The following SYT16 variants were observed in gnomAD, a reference collection of about 807,000 sequenced individuals.
The protein encoded by SYT16 is synaptotagmin 16.
Under a neutral mutation model 61.4 loss-of-function variants are expected in SYT16, and 42 were observed. That is an observed-to-expected ratio of 0.68 (90% CI 0.53 to 0.89). SYT16 has a LOEUF of 0.89. Ranked by LOEUF, SYT16 falls within the 40% of genes least tolerant of loss-of-function variation. The pLI is 0.00. For synonymous variants in SYT16, 314 were observed against 302.3 expected (o/e 1.04, Z -0.40); for missense variants, 804 against 807.3 (o/e 1.00, Z 0.05).
Position 61,874,745 on chromosome 14 carries a change from ATTTTCAGAGCCAATGCAGCAAGATTT to A in SYT16, c.-325+61940_-325+61965del. 2.7e-5 allele frequency among the ~76,000 whole-genome samples: 4 copies of A among 150,328 alleles called. No homozygotes were observed. The Middle Eastern group carries it at 0.01, about 394-fold the overall frequency. On this transcript the variant is annotated intron_variant, in intron 1 of 7. Coordinates refer to ENST00000683842, the MANE Select transcript of SYT16 (RefSeq NM_001367656.1). ...ATAGGCTAGTTTTATAGAATTTAACATTTTCAGAGCCAATGCAGCAAGATTTTTTTTTTTTTTTTTTACATGTTCTA... is the reference window on the plus strand; with the variant it reads ...ATAGGCTAGTTTTATAGAATTTAACATTTTTTTTTTTTTTTACATGTTCTA...
At position 62,112,161 on chromosome 14, in the gene SYT16, T is replaced by C. The variant is rs2057620540; in HGVS notation, c.*11454T>C. ...CAAGACCAATCAGTGAAATATTGAATGTCAATACTTTTTGTTAGAAATGCC... is the reference window on the plus strand; with the variant it reads ...CAAGACCAATCAGTGAAATATTGAACGTCAATACTTTTTGTTAGAAATGCC... On this transcript the variant is annotated 3_prime_UTR_variant, in exon 8 of 8. Transcript: ENST00000683842. 1 of 152,154 alleles carries C rather than the reference T, an allele frequency of 6.6e-6. No homozygotes were observed. The highest frequency in any genetic ancestry group is 1.5e-5 in the Non-Finnish European group (1 of 67,972). The allele number at this position is 152,154 out of a possible 1,614,324, so 9.4% of individuals were successfully genotyped here. A position where few individuals can be genotyped will look rare whatever the true frequency, so the allele number is the denominator to read the frequency against.
At chr14:61,939,603 T>C (rs1389162590) in intron 1 of SYT16, among the ~76,000 whole-genome samples, 1 of 152,218 alleles carries the variant, frequency 6.6e-6, no homozygotes, top group Non-Finnish European at 1.5e-5. Flanking sequence ...TTTCCTCTTT[T>C]TATGAGGATG....
At chr14:61,982,867 G>A (rs756454913) in intron 2 of SYT16, among the ~76,000 whole-genome samples, 7 of 152,094 alleles carry the variant, frequency 4.6e-5, no homozygotes, top group East Asian at 1.9e-4. Context: ...TCTGGATGTC[G>A]TCTTCCAGAG....
intron 1 of SYT16, among the ~76,000 whole-genome samples, chr14:61,863,855 G>T (rs118165440): frequency 6.6e-6 from 1 of 152,254 alleles, no homozygotes; most frequent in East Asian, 1.9e-4. Context: ...TCCAGCACCA[G>T]TCGTGGAAAA....
intron 2 of SYT16, among the ~76,000 whole-genome samples, chr14:61,980,552 A>C (rs2140560411): frequency 6.6e-6 from 1 of 152,268 alleles, no homozygotes; most frequent in African/African-American, 2.4e-5. Flanking sequence ...ATTCCAAAAA[A>C]CTCGGCTGAG....
Position 62,108,354 on chromosome 14 carries a change from A to C in SYT16, c.*7647A>C, listed in dbSNP as rs1283649659. ...TGATAGTCCATAATAAAAAATGTAC[A>C]TATCTTGTTTAAAAAAGACCTTGAT... On this transcript the variant is annotated 3_prime_UTR_variant, in exon 8 of 8. Transcript: ENST00000683842. 6.6e-6 allele frequency: 1 copy of C among 152,218 alleles called. No individual in the cohort carries two copies. The highest frequency in any genetic ancestry group is 1.5e-5 in the Non-Finnish European group (1 of 68,042). The allele number at this position is 152,218 out of a possible 1,614,324, so 9.4% of individuals were successfully genotyped here.
chr14:62,039,360 C>T (rs942916251), intron 3 of SYT16, among the ~76,000 whole-genome samples: 1 of 152,018 alleles, frequency 6.6e-6, no homozygotes, highest in Non-Finnish European at 1.5e-5. Flanking sequence ...ATATTTGGGG[C>T]TATGATATTC....
chr14:62,069,167 G>A (rs1348764867), intron 3 of SYT16, among the ~76,000 whole-genome samples: 1 of 152,166 alleles, frequency 6.6e-6, no homozygotes, highest in African/African-American at 2.4e-5. Flanking sequence ...TCCGAAGTGG[G>A]GATTGGCTAT....
intron 1 of SYT16, among the ~76,000 whole-genome samples, chr14:61,928,431 T>A (rs1174843029): frequency 6.6e-6 from 1 of 152,218 alleles, no homozygotes; most frequent in East Asian, 1.9e-4. Flanking sequence ...GTCTTGACCT[T>A]GGCATATATG....
chr14:62,032,420 A>T (rs905532501), intron 3 of SYT16, among the ~76,000 whole-genome samples: 3 of 152,076 alleles, frequency 2.0e-5, no homozygotes, highest in Non-Finnish European at 2.9e-5. Flanking sequence ...AGAATCAAGG[A>T]TCATTTTCTT....
chr14:61,938,930 C>A (rs993040589), intron 1 of SYT16, among the ~76,000 whole-genome samples: 1 of 152,076 alleles, frequency 6.6e-6, no homozygotes, highest in Non-Finnish European at 1.5e-5. Flanking sequence ...AGGTCAGGAG[C>A]CCGAGACCAG....
chr14:61,865,288 A>G, intron 1 of SYT16: 1 of 772,254 alleles, frequency 1.3e-6, no homozygotes. Flanking sequence ...CTCATGCCCT[A>G]CACATCCCTC....
intron 3 of SYT16, among the ~76,000 whole-genome samples, chr14:62,005,900 A>G (rs940570705): frequency 6.6e-6 from 1 of 152,126 alleles, no homozygotes; most frequent in Non-Finnish European, 1.5e-5. Flanking sequence ...CTGTGGTGGC[A>G]GTGGGAATTG....
chr14:61,928,602 C>T (rs188706772), intron 1 of SYT16, among the ~76,000 whole-genome samples: 2 of 152,242 alleles, frequency 1.3e-5, no homozygotes, highest in East Asian at 3.9e-4. Context: ...GTGAGAAGCC[C>T]AGTCTTCTGG....
intron 1 of SYT16, among the ~76,000 whole-genome samples, chr14:61,906,743 A>ATCCAGCCT (rs2048730305): frequency 6.7e-6 from 1 of 149,390 alleles, no homozygotes. Context: ...CCATCCATCC[A>ATCCAGCCT]TCCATCCTTC....
intron 3 of SYT16, among the ~76,000 whole-genome samples, chr14:62,055,698 C>A (rs531646196): frequency 1.3e-5 from 2 of 152,148 alleles, no homozygotes; most frequent in Non-Finnish European, 2.9e-5. Flanking sequence ...CTCAAAAATG[C>A]AAGGACAACT....
At chr14:62,088,148 C>A (rs1404979825) in intron 7 of SYT16, among the ~76,000 whole-genome samples, 1 of 152,060 alleles carries the variant, frequency 6.6e-6, no homozygotes, top group South Asian at 2.1e-4. Flanking sequence ...AAAAAAAGAC[C>A]CATGCAAGAA....
intron 3 of SYT16, among the ~76,000 whole-genome samples, chr14:62,045,857 G>A (rs1254539113): frequency 6.6e-6 from 1 of 152,054 alleles, no homozygotes; most frequent in African/African-American, 2.4e-5. Context: ...TATCATTGTT[G>A]GACATTTAGG....
chr14:61,864,596 C>T (rs1250608451), intron 1 of SYT16, among the ~76,000 whole-genome samples: 1 of 152,254 alleles, frequency 6.6e-6, no homozygotes, highest in Admixed American at 6.5e-5. Context: ...AGGCCAAGGC[C>T]GCTTCGGCCG....
Sources: gnomAD v4.1 joint callset for allele counts (sites outside exome capture counted in the v4.1 genomes callset) on GRCh38, gnomAD v4.1.1 for gene constraint, MANE v1.5 for transcripts, NCBI Gene and HGNC (gene_info 2026-07-23, HGNC 2026-07-21) for gene names.